The following ANKFN1 variants were observed in gnomAD, a reference collection of about 807,000 sequenced individuals.
ANKFN1 encodes the protein ankyrin repeat and fibronectin type III domain containing 1, also known as ankyrin repeat and fibronectin type-III domain-containing protein 1.
ANKFN1 carries 74 observed loss-of-function variants against 108.7 expected under a neutral mutation model. The observed-to-expected ratio is 0.68, with a 90% CI of 0.56 to 0.83. ANKFN1 has a LOEUF of 0.83. Ranked by LOEUF, ANKFN1 falls within the 40% of genes least tolerant of loss-of-function variation. ANKFN1 has a pLI of 0.00. For missense variants in ANKFN1, 1,505 were observed against 1,382.3 expected (o/e 1.09, Z -1.41); for synonymous variants, 547 against 516.2 (o/e 1.06, Z -0.81).
intron 3 of ANKFN1, among the ~76,000 whole-genome samples, chr17:56,307,352 A>G (rs1301576946): frequency 1.3e-5 from 2 of 152,252 alleles, no homozygotes; most frequent in African/African-American, 4.8e-5. Context: ...AATATCCAGA[A>G]TCTACAATGA....
At chr17:56,300,172 C>G (rs1297311025) in intron 3 of ANKFN1, among the ~76,000 whole-genome samples, 2 of 152,106 alleles carry the variant, frequency 1.3e-5, no homozygotes, top group Admixed American at 1.3e-4. Flanking sequence ...GAAGACTAGG[C>G]CTTTAGGGAG....
chr17:56,213,321 C>T (rs79664402), intron 2 of ANKFN1, among the ~76,000 whole-genome samples: 7,994 of 152,238 alleles, frequency 0.053, 300 homozygotes, highest in Admixed American at 0.12. Context: ...GAACCCCGGT[C>T]TCTGTGCACA....
intron 2 of ANKFN1, among the ~76,000 whole-genome samples, chr17:56,218,544 C>T (rs991310905): frequency 1.3e-5 from 2 of 152,116 alleles, no homozygotes; most frequent in Admixed American, 6.6e-5. Flanking sequence ...TGCCCTGTCT[C>T]GGGGACTTCA....
chr17:56,396,785 C>T (rs1455908194), intron 8 of ANKFN1, among the ~76,000 whole-genome samples: 1 of 152,006 alleles, frequency 6.6e-6, no homozygotes, highest in African/African-American at 2.4e-5. Flanking sequence ...TGCTGAAGGT[C>T]CCACAGCCAG....
At chr17:56,157,739 C>T (rs1296854149) in intron 1 of ANKFN1, among the ~76,000 whole-genome samples, 2 of 152,192 alleles carry the variant, frequency 1.3e-5, no homozygotes, top group Non-Finnish European at 2.9e-5. Flanking sequence ...GATTACTTAC[C>T]TACCTCAAGG....
intron 3 of ANKFN1, among the ~76,000 whole-genome samples, chr17:56,263,490 C>G (rs1429352814): frequency 6.6e-6 from 1 of 152,188 alleles, no homozygotes; most frequent in East Asian, 1.9e-4. Flanking sequence ...ATAAGCAGTT[C>G]TTTCAGAACA....
chr17:56,172,192 G>A (rs1910749308), intron 1 of ANKFN1, among the ~76,000 whole-genome samples: 1 of 152,084 alleles, frequency 6.6e-6, no homozygotes, highest in Non-Finnish European at 1.5e-5. Context: ...AGCCTCTGAT[G>A]AGACAAAGTA....
At chr17:56,475,438 G>A (rs1475719532) in intron 15 of ANKFN1, among the ~76,000 whole-genome samples, 1 of 152,022 alleles carries the variant, frequency 6.6e-6, no homozygotes, top group African/African-American at 2.4e-5. Flanking sequence ...TGTTGCAGAT[G>A]GTTAATTCTA....
chr17:56,503,486 CATATATATATATATATATATAT>C lies in ANKFN1; in HGVS notation c.2644+4410_2644+4431del, dbSNP rs3052391. On this transcript the variant is annotated intron_variant, in intron 20 of 20. Transcript: ENST00000682825. ...AATAAATTCACTGAAGCACAAATTT[CATATATATATATATATATATAT>C]ATATATATATATATATATATAGACA... 4.3e-3 allele frequency among the ~76,000 whole-genome samples: 347 copies of C among 81,536 alleles called. 10 individuals are homozygous for C. The highest frequency in any genetic ancestry group is 0.024 in the African/African-American group (328 of 13,878). 53.5% of individuals were successfully genotyped at this position (81,536 alleles called of 152,430 possible).
At chr17:56,273,404 ACAAATCTTTGT>A (rs2043841687) in intron 3 of ANKFN1, among the ~76,000 whole-genome samples, 1 of 152,190 alleles carries the variant, frequency 6.6e-6, no homozygotes. Flanking sequence ...GTGCTGACAC[ACAAATCTTTGT>A]CTGAATTTTA....
chr17:56,163,689 G>A (rs930684980), intron 1 of ANKFN1, among the ~76,000 whole-genome samples: 1 of 152,226 alleles, frequency 6.6e-6, no homozygotes, highest in South Asian at 2.1e-4. Context: ...GGGAAGAGTA[G>A]CACAGCAGAG....
chr17:56,491,794 C>A (rs543954989), intron 18 of ANKFN1, among the ~76,000 whole-genome samples: 1 of 152,262 alleles, frequency 6.6e-6, no homozygotes, highest in East Asian at 1.9e-4. Flanking sequence ...GACATGAAAA[C>A]CAAAACTAGG....
chr17:56,515,686 A>G lies in ANKFN1; in HGVS notation c.*4417A>G, dbSNP rs563516568. Among the ~76,000 whole-genome samples the G allele has an allele frequency of 6.6e-6, 1 of 152,382 alleles. No homozygotes were observed. Among genetic ancestry groups the G allele is most frequent in the Admixed American group, 6.5e-5 (1 of 15,304 alleles). ...TTCTGAGGTGTTGAACTTTGCCATTAGCAAAAAGTATTTTTAGAAAAATCC... is the reference window on the plus strand; with the variant it reads ...TTCTGAGGTGTTGAACTTTGCCATTGGCAAAAAGTATTTTTAGAAAAATCC... On this transcript the variant is annotated 3_prime_UTR_variant, in exon 21 of 21. Transcript: ENST00000682825.
intron 3 of ANKFN1, among the ~76,000 whole-genome samples, chr17:56,261,702 T>C (rs1427709753): frequency 1.3e-5 from 2 of 152,144 alleles, no homozygotes; most frequent in Admixed American, 1.3e-4. Context: ...ACTCAGCCAG[T>C]CTAGTCCTTC....
At chr17:56,401,358 A>ATTGTGTTGTG (rs1567974116) in intron 8 of ANKFN1, among the ~76,000 whole-genome samples, 1 of 90,674 alleles carries the variant, frequency 1.1e-5, no homozygotes, top group African/African-American at 3.5e-5. Context: ...ATTGTATTGT[A>ATTGTGTTGTG]TTGTATTGTA....
At chr17:56,104,882 A>G (rs2143231319) in intron 4 of ANKFN1, among the ~76,000 whole-genome samples, 1 of 152,312 alleles carries the variant, frequency 6.6e-6, no homozygotes. Context: ...CATTAAAAAA[A>G]CTTTCATGCA....
intron 1 of ANKFN1, among the ~76,000 whole-genome samples, chr17:56,203,301 A>G (rs1914216854): frequency 6.6e-6 from 1 of 152,186 alleles, no homozygotes. Context: ...TGTAGTGCAC[A>G]CATCCCACAC....
rs113895049 is a variant in ANKFN1, at chr17:56,338,381, A to G, written c.188+12026A>G. On this transcript the variant is annotated intron_variant, in intron 4 of 20. Coordinates refer to ENST00000682825, the MANE Select transcript of ANKFN1 (RefSeq NM_001370326.1). ...ATGAGTTAATGGGTGCAGCAAACCA[A>G]CATGGCACATGTATACCTATGTAAC... Among the ~76,000 whole-genome samples the G allele has an allele frequency of 6.6e-5, 10 of 152,170 alleles. No homozygotes were observed. The East Asian group carries it at 1.7e-3, about 27-fold the overall frequency.
intron 3 of ANKFN1, among the ~76,000 whole-genome samples, chr17:56,262,245 C>G (rs1259374531): frequency 6.6e-6 from 1 of 152,194 alleles, no homozygotes; most frequent in African/African-American, 2.4e-5. Context: ...CAGTCACCAG[C>G]CTCTTCCTTC....
Sources: allele counts gnomAD v4.1 joint callset (sites outside exome capture counted in the v4.1 genomes callset), GRCh38; gene constraint gnomAD v4.1.1; transcripts MANE v1.5; gene names NCBI Gene and HGNC (gene_info 2026-07-23, HGNC 2026-07-21).